The following ASPSCR1 variants were observed in gnomAD, a reference collection of about 807,000 sequenced individuals.
ASPSCR1 encodes tether containing UBX domain for GLUT4.
ASPSCR1 carries 55 observed loss-of-function variants against 68.9 expected under a neutral mutation model. The observed-to-expected ratio is 0.80, with a 90% CI of 0.64 to 1.00. The LOEUF is 1.00. ASPSCR1 is among the 50% of genes least tolerant of loss of function. ASPSCR1 has a pLI of 0.00. For synonymous variants in ASPSCR1, 352 were observed against 332.6 expected (o/e 1.06, Z -0.63); for missense variants, 765 against 762.2 (o/e 1.00, Z -0.04).
In ASPSCR1 at chr17:81,996,822, C is replaced by T; in HGVS notation, c.909C>T (p.Pro303=). ...QEQEQERERD[P]QQEQERERPV... is the part of the protein sequence containing the mutation. ...AGGAGCAGGAGCGGGAGCGGGATCCCCAGCAGGAGCAGGAGCGGGAGCGGG... is the reference window on the plus strand; with the variant it reads ...AGGAGCAGGAGCGGGAGCGGGATCCTCAGCAGGAGCAGGAGCGGGAGCGGG... Residue 303 remains proline, a synonymous_variant, in exon 7 of 16, where the codon CCC becomes CCT. Coordinates refer to ENST00000306739, the MANE Select transcript of ASPSCR1 (RefSeq NM_024083.4). 1 of 1,603,924 alleles carries T rather than the reference C, an allele frequency of 6.2e-7. No individual in the cohort carries two copies.
At chr17:82,009,414 G>A in intron 8 of ASPSCR1, 72 bp from the exon 9 acceptor site, 1 of 1,470,036 alleles carries the variant, frequency 6.8e-7, no homozygotes, top group Non-Finnish European at 9.2e-7. Flanking sequence ...GGGTGCAGGT[G>A]AGGAGCCCGG....
At chr17:82,000,157 C>T (rs1159347702) in intron 7 of ASPSCR1, among the ~76,000 whole-genome samples, 2 of 152,384 alleles carry the variant, frequency 1.3e-5, no homozygotes, top group Admixed American at 6.5e-5. Context: ...GTGTGAGAGA[C>T]ACAGTGGCTG....
intron 7 of ASPSCR1, 115 bp downstream of exon 7, chr17:81,996,961 C>T (rs931422666): frequency 6.7e-7 from 1 of 1,502,638 alleles, no homozygotes; most frequent in Non-Finnish European, 8.9e-7. Flanking sequence ...CAGAGGAACC[C>T]AAACGCGCAG....
chr17:81,995,112 C>T (rs1455966863), intron 5 of ASPSCR1: 1 of 528,564 alleles, frequency 1.9e-6, no homozygotes, highest in African/African-American at 2.0e-5. Context: ...GCCCAAGAGT[C>T]ACAAAAGTGG....
intron 12 of ASPSCR1, 102 bp downstream of exon 12, chr17:82,012,385 TG>T: frequency 7.2e-7 from 1 of 1,380,758 alleles, no homozygotes; most frequent in Non-Finnish European, 1.0e-6. Context: ...TGGCAGGCGC[TG>T]GGGCAGGATA....
intron 7 of ASPSCR1, among the ~76,000 whole-genome samples, chr17:82,000,411 C>T (rs1225719807): frequency 3.9e-5 from 6 of 152,284 alleles, no homozygotes; most frequent in African/African-American, 1.4e-4. Flanking sequence ...ACTTGGGCAG[C>T]TGATTGATGG....
chr17:82,007,983 A>G (rs2042779147), intron 7 of ASPSCR1: 1 of 152,254 alleles, frequency 6.6e-6, no homozygotes, highest in Non-Finnish European at 1.5e-5. Flanking sequence ...CCCTGCCATG[A>G]CGCTGCTGAG....
chr17:82,009,171 G>A lies in ASPSCR1; in HGVS notation c.1068G>A (p.Leu356=). 1 of 1,610,682 alleles carries A rather than the reference G, an allele frequency of 6.2e-7. No individual in the cohort carries two copies. Among genetic ancestry groups the A allele is most frequent in the Non-Finnish European group, 8.5e-7 (1 of 1,178,832 alleles). ...ELTVDDVRRR[L]AQLKSERKRL... is the part of the protein sequence containing the mutation. ...CGGTGGACGACGTGAGAAGACGCTT[G>A]GCCCAGCTCAAGAGTGAGCGGTGGG... The change falls in exon 8 of 16, where the codon TTG becomes TTA. Residue 356 remains leucine, a synonymous_variant. Coordinates refer to ENST00000306739, the MANE Select transcript of ASPSCR1 (RefSeq NM_024083.4).
rs1454688154 is a variant in ASPSCR1 at position 81,987,645 on chromosome 17, C to T, written c.374+2038C>T. 1.3e-5 allele frequency among the ~76,000 whole-genome samples: 2 copies of T among 152,150 alleles called. No individual in the cohort carries two copies. The highest frequency in any genetic ancestry group is 4.8e-5 in the African/African-American group (2 of 41,432). On this transcript the variant is annotated intron_variant, in intron 4 of 15. Coordinates refer to ENST00000306739, the MANE Select transcript of ASPSCR1 (RefSeq NM_024083.4). The surrounding 1 kb of genome is among the most constrained non-coding windows in gnomAD (Gnocchi z 5.6). ...GCCGGCATTGTGGTAGCATAAGCCT[C>T]TTCAACAGACTTTGTAAACCTCGTG... is the stretch of plus-strand genomic sequence containing the variant.
Position 82,000,419 on chromosome 17 carries a change from T to C in ASPSCR1, c.933+3573T>C, listed in dbSNP as rs375037364. Among the ~76,000 whole-genome samples the C allele has an allele frequency of 7.8e-4, 119 of 152,150 alleles. 1 individual carries two copies. Among genetic ancestry groups the C allele is most frequent in the African/African-American group, 2.7e-3 (110 of 41,500 alleles). On this transcript the variant is annotated intron_variant, in intron 7 of 15. Coordinates refer to ENST00000306739, the MANE Select transcript of ASPSCR1 (RefSeq NM_024083.4). ...ATCTGGGACTTGGGCAGCTGATTGA[T>C]GGAGGGCGTCCTGCCTGCCCCGCGC...
At chr17:82,017,168 C>T (rs377056314) in intron 15 of ASPSCR1, 55 bp downstream of exon 15, 235 of 1,564,860 alleles carry the variant, frequency 1.5e-4, no homozygotes, top group Middle Eastern at 2.2e-4. Flanking sequence ...GGCGGGGGTC[C>T]GGGTGCTGTG....
In ASPSCR1 at chr17:82,016,555, C is replaced by T. The variant is rs147813785; in HGVS notation, c.1405+28C>T. ...GAGTGTCAGTGGTTGGGGCCAGTGT[C>T]GGAGTCCAGCCAGCCTGTCCCTGGA... On this transcript the variant is annotated intron_variant, in intron 13 of 15. Transcript: ENST00000306739. The T allele has an allele frequency of 1.7e-5, 27 of 1,549,134 alleles. No homozygotes were observed. In the African/African-American group the frequency reaches 2.3e-4, roughly 13 times the overall value.
Position 82,015,271 on chromosome 17 carries a change from G to A in ASPSCR1, c.1354-1205G>A, listed in dbSNP as rs375518305. ...CAGCCTCCATGCCACCCAGTCTGCC[G>A]ACCCTCCTCTCCACCATCCCCTCGT... is the stretch of plus-strand genomic sequence containing the variant. On this transcript the variant is annotated intron_variant, in intron 12 of 15. Coordinates refer to ENST00000306739, the MANE Select transcript of ASPSCR1 (RefSeq NM_024083.4). The A allele has an allele frequency of 4.4e-5, 71 of 1,598,202 alleles. 1 individual carries two copies. The highest frequency in any genetic ancestry group is 3.1e-4 in the East Asian group (14 of 44,886).
At chr17:81,991,939 G>A (rs1416591493) in intron 4 of ASPSCR1, among the ~76,000 whole-genome samples, 1 of 152,258 alleles carries the variant, frequency 6.6e-6, no homozygotes, top group African/African-American at 2.4e-5. Flanking sequence ...CGGGGCCCCA[G>A]CGGGGCGGGG....
intron 5 of ASPSCR1, 125 bp downstream of exon 5, chr17:81,995,003 A>G (rs2042290691): frequency 3.7e-6 from 4 of 1,093,628 alleles, no homozygotes; most frequent in South Asian, 3.2e-5. Flanking sequence ...TGAAAGCACG[A>G]CGTGTTTCAT....
At chr17:81,982,214 C>T (rs775704771) in intron 2 of ASPSCR1, among the ~76,000 whole-genome samples, 1 of 152,224 alleles carries the variant, frequency 6.6e-6, no homozygotes, top group Admixed American at 6.5e-5. Flanking sequence ...AGTGATCTGC[C>T]CGTCTGGGCC....
chr17:82,005,735 C>G (rs568416547), intron 7 of ASPSCR1: 103 of 152,448 alleles, frequency 6.8e-4, no homozygotes, highest in African/African-American at 2.3e-3. Context: ...GAACCTCACT[C>G]AGCACAGAGA....
intron 12 of ASPSCR1, chr17:82,014,334 C>T (rs542026413): frequency 6.5e-6 from 1 of 152,850 alleles, no homozygotes; most frequent in Admixed American, 6.5e-5. Flanking sequence ...CCACCTGGAC[C>T]CTCTGAAATG....
chr17:81,980,308 G>T (rs572335082), intron 2 of ASPSCR1, among the ~76,000 whole-genome samples: 2 of 152,324 alleles, frequency 1.3e-5, no homozygotes, highest in South Asian at 4.1e-4. Context: ...CAGTACTGTT[G>T]TCCTAACACT....
Sources: allele counts gnomAD v4.1 joint callset (sites outside exome capture counted in the v4.1 genomes callset), GRCh38; gene constraint gnomAD v4.1.1; non-coding constraint Gnocchi (gnomAD v3.1); transcripts MANE v1.5; gene names NCBI Gene and HGNC (gene_info 2026-07-23, HGNC 2026-07-21).